GLIS3: variants seen among roughly 807,000 people sequenced by gnomAD.
GLIS3 encodes the protein GLIS family zinc finger 3, also known as zinc finger protein GLIS3.
A neutral mutation model predicts 78.6 loss-of-function variants in GLIS3; 53 were observed. The ratio of observed to expected loss-of-function variants is 0.67; its 90% CI spans 0.54 to 0.85. GLIS3 has a LOEUF of 0.85. Ranked by LOEUF, GLIS3 falls within the 40% of genes least tolerant of loss-of-function variation. GLIS3 has a pLI of 0.00. For missense variants in GLIS3, 1,703 were observed against 1,231.1 expected, an observed-to-expected ratio of 1.38 and a Z score of -5.74; for synonymous variants, 684 against 509.9, an observed-to-expected ratio of 1.34 and a Z score of -4.60.
chr9:4,467,449 A>T, the GLIS3 span, among the ~76,000 whole-genome samples: 5 of 152,112 alleles, frequency 3.3e-5, no homozygotes, highest in Non-Finnish European at 1.5e-5. Flanking sequence ...AGGAAAGATC[A>T]GGCAACAACA....
At chr9:4,287,158 G>T (rs35227908) in intron 1 of GLIS3, among the ~76,000 whole-genome samples, 3 of 152,064 alleles carry the variant, frequency 2.0e-5, no homozygotes, top group African/African-American at 7.2e-5. Flanking sequence ...CTGAGTTATG[G>T]GGATGGGAAG....
At chr9:4,095,620 C>T (rs778851733) in intron 4 of GLIS3, among the ~76,000 whole-genome samples, 2 of 152,206 alleles carry the variant, frequency 1.3e-5, no homozygotes, top group African/African-American at 4.8e-5. Flanking sequence ...ACCAACAATT[C>T]TGTCCTCTTG....
chr9:4,293,628 G>A (rs375388728), intron 1 of GLIS3, among the ~76,000 whole-genome samples: 3 of 152,112 alleles, frequency 2.0e-5, no homozygotes, highest in East Asian at 3.8e-4. Flanking sequence ...ACAAAACTTC[G>A]TAACTAGCCC....
intron 6 of GLIS3, among the ~76,000 whole-genome samples, chr9:3,922,672 T>G (rs1429247852): frequency 6.6e-6 from 1 of 152,102 alleles, no homozygotes; most frequent in Non-Finnish European, 1.5e-5. Flanking sequence ...AGTCAGGGAA[T>G]TCAAGGTTCT....
chr9:4,479,945 G>C, the GLIS3 span, among the ~76,000 whole-genome samples: 42 of 142,436 alleles, frequency 2.9e-4, no homozygotes, highest in Middle Eastern at 3.7e-3. Flanking sequence ...AGTAGAGATG[G>C]GTTTTCGCCA....
At chr9:3,926,375 C>T (rs1263065066) in intron 6 of GLIS3, among the ~76,000 whole-genome samples, 6 of 151,560 alleles carry the variant, frequency 4.0e-5, no homozygotes, top group African/African-American at 1.5e-4. Flanking sequence ...GGACTAAAGG[C>T]GCCAGCCACC....
intron 8 of GLIS3, among the ~76,000 whole-genome samples, chr9:3,879,108 A>G (rs370566756): frequency 4.0e-4 from 61 of 152,286 alleles, no homozygotes; most frequent in African/African-American, 1.4e-3. Flanking sequence ...TTCGACCTGC[A>G]TATACATTAC....
At chr9:4,362,853 C>A in the GLIS3 span, among the ~76,000 whole-genome samples, 2 of 151,960 alleles carry the variant, frequency 1.3e-5, no homozygotes, top group Admixed American at 1.3e-4. Flanking sequence ...GGGAGGCATT[C>A]AAAATGCCTA....
intron 4 of GLIS3, among the ~76,000 whole-genome samples, chr9:4,049,201 T>C (rs540749236): frequency 6.6e-6 from 1 of 151,978 alleles, no homozygotes; most frequent in Admixed American, 6.5e-5. Context: ...TACAGAGAGA[T>C]TTCCAGAGCT....
intron 2 of GLIS3, among the ~76,000 whole-genome samples, chr9:4,152,713 G>C (rs1023671428): frequency 6.6e-6 from 1 of 151,892 alleles, no homozygotes; most frequent in Non-Finnish European, 1.5e-5. Flanking sequence ...AATTCAATAA[G>C]GTGACAAGAC....
intron 8 of GLIS3, among the ~76,000 whole-genome samples, chr9:3,871,230 C>T (rs1038852801): frequency 7.2e-5 from 11 of 152,252 alleles, no homozygotes; most frequent in African/African-American, 2.6e-4. Context: ...TACAGCCTGC[C>T]TCCTGGTTGC....
At chr9:4,233,253 T>C (rs1022549875) in intron 2 of GLIS3, among the ~76,000 whole-genome samples, 3 of 152,182 alleles carry the variant, frequency 2.0e-5, no homozygotes, top group Admixed American at 2.0e-4. Context: ...CCCCAAGTTA[T>C]AGCTGGCCAC....
chr9:4,451,979 C>T, the GLIS3 span, among the ~76,000 whole-genome samples: 1 of 151,882 alleles, frequency 6.6e-6, no homozygotes, highest in Admixed American at 6.6e-5. Context: ...CCACCACAAT[C>T]AAGTCGGCTT....
chr9:3,903,111 C>G (rs549408117), intron 6 of GLIS3, among the ~76,000 whole-genome samples: 1 of 152,300 alleles, frequency 6.6e-6, no homozygotes, highest in Non-Finnish European at 1.5e-5. Context: ...CTTGGGACAT[C>G]TGGACCTTAA....
chr9:4,195,861 T>A (rs1369534503), intron 2 of GLIS3, among the ~76,000 whole-genome samples: 1 of 152,216 alleles, frequency 6.6e-6, no homozygotes, highest in African/African-American at 2.4e-5. Context: ...CTAGCTAATC[T>A]AGTGAGGACG....
intron 2 of GLIS3, among the ~76,000 whole-genome samples, chr9:4,339,896 G>A (rs572561528): frequency 1.5e-4 from 20 of 134,678 alleles, no homozygotes; most frequent in African/African-American, 5.0e-4. Context: ...GGAAAGGAAA[G>A]GAAAAGAAAA....
At chr9:3,946,548 T>C (rs1282532405) in intron 4 of GLIS3, among the ~76,000 whole-genome samples, 1 of 152,240 alleles carries the variant, frequency 6.6e-6, no homozygotes, top group Non-Finnish European at 1.5e-5. Flanking sequence ...CTGTAAAATG[T>C]ATCTTTAAAT....
intron 6 of GLIS3, among the ~76,000 whole-genome samples, chr9:3,903,803 A>G (rs1412532785): frequency 6.6e-6 from 1 of 152,162 alleles, no homozygotes; most frequent in East Asian, 1.9e-4. Context: ...TGGGAGTGAT[A>G]GGGGGAATTT....
chr9:4,115,309 G>T (rs1831551716), intron 4 of GLIS3, among the ~76,000 whole-genome samples: 1 of 152,122 alleles, frequency 6.6e-6, no homozygotes, highest in Non-Finnish European at 1.5e-5. Flanking sequence ...TGCAGTGTAT[G>T]ACACAGCCAC....
Sources: allele counts gnomAD v4.1 joint callset (sites outside exome capture counted in the v4.1 genomes callset), GRCh38; gene constraint gnomAD v4.1.1; transcripts MANE v1.5; gene names NCBI Gene and HGNC (gene_info 2026-07-23, HGNC 2026-07-21).